MARCHF6: variants seen among roughly 807,000 people sequenced by gnomAD.
The protein encoded by MARCHF6 is membrane associated ring-CH-type finger 6.
Under a neutral mutation model 133.7 loss-of-function variants are expected in MARCHF6, and 31 were observed. The observed-to-expected ratio is 0.23, with a 90% CI of 0.17 to 0.31. MARCHF6 has a LOEUF of 0.31. Ranked by LOEUF, MARCHF6 falls within the 10% of genes least tolerant of loss-of-function variation. MARCHF6 has a pLI of 1.00. For synonymous variants in MARCHF6, 395 were observed against 402.5 expected, an observed-to-expected ratio of 0.98 and a Z score of 0.22; for missense variants, 723 against 1,121.6, an observed-to-expected ratio of 0.64 and a Z score of 5.08.
rs1231653830 is a variant in MARCHF6, at chr5:10,435,209, A to G, written c.*1525A>G. 1 of 152,594 alleles carries G rather than the reference A, an allele frequency of 6.6e-6. No homozygotes were observed. Among genetic ancestry groups the G allele is most frequent in the Non-Finnish European group, 1.5e-5 (1 of 68,040 alleles). The allele number at this position is 152,594 out of a possible 1,614,324, so 9.5% of individuals were successfully genotyped here. A position where few individuals can be genotyped will look rare whatever the true frequency, so the allele number is the denominator to read the frequency against. On this transcript the variant is annotated 3_prime_UTR_variant, in exon 26 of 26. Transcript: ENST00000274140. ...ACATAAGCTACCAAAATAAAGAGCAATGTGTTCTGGCTGTTTTATACTTCA... is the reference window on the plus strand; with the variant it reads ...ACATAAGCTACCAAAATAAAGAGCAGTGTGTTCTGGCTGTTTTATACTTCA...
At chr5:10,416,860 G>A (rs1445967056) in intron 21 of MARCHF6, among the ~76,000 whole-genome samples, 1 of 152,068 alleles carries the variant, frequency 6.6e-6, no homozygotes, top group African/African-American at 2.4e-5. Context: ...AAGTTCTATT[G>A]GACCATGTTG....
At chr5:10,378,547 A>G (rs1349587180) in intron 2 of MARCHF6, among the ~76,000 whole-genome samples, 1 of 152,150 alleles carries the variant, frequency 6.6e-6, no homozygotes, top group Non-Finnish European at 1.5e-5. Flanking sequence ...ACCTTTTTTA[A>G]TGGTAGAAAA....
intron 1 of MARCHF6, among the ~76,000 whole-genome samples, chr5:10,370,906 TATG>T (rs761999289): frequency 4.6e-5 from 7 of 152,172 alleles, no homozygotes; most frequent in Non-Finnish European, 1.0e-4. Context: ...AGTGGGAGAA[TATG>T]ATAAAGTTGG....
intron 4 of MARCHF6, among the ~76,000 whole-genome samples, chr5:10,382,741 C>G (rs746617285): frequency 3.9e-5 from 6 of 152,110 alleles, no homozygotes; most frequent in Non-Finnish European, 5.9e-5. Flanking sequence ...ACAGGAGAAT[C>G]ACTTGAACCT....
chr5:10,358,844 A>G (rs565650429), intron 1 of MARCHF6, among the ~76,000 whole-genome samples: 2 of 152,364 alleles, frequency 1.3e-5, no homozygotes, highest in Admixed American at 6.5e-5. Context: ...CTGTCATGAA[A>G]TGTTAAAATT....
At chr5:10,365,988 A>T (rs775049938) in intron 1 of MARCHF6, among the ~76,000 whole-genome samples, 6 of 152,118 alleles carry the variant, frequency 3.9e-5, no homozygotes, top group Non-Finnish European at 7.3e-5. Flanking sequence ...GCTGGAATGC[A>T]GTCACGCAAT....
intron 5 of MARCHF6, 85 bp from the exon 6 acceptor site, chr5:10,390,247 C>G: frequency 1.0e-6 from 1 of 993,598 alleles, no homozygotes. Context: ...TTTTCTGAGA[C>G]TTTAGTATAA....
In MARCHF6 at chr5:10,390,376, C is replaced by T. The variant is rs200660403; in HGVS notation, c.452C>T (p.Thr151Met). The T allele has an allele frequency of 8.9e-5, 144 of 1,613,152 alleles. No individual in the cohort carries two copies. Among genetic ancestry groups the T allele is most frequent in the Non-Finnish European group, 1.1e-4 (131 of 1,179,860 alleles). The change falls in exon 6 of 26, where the codon ACG becomes ATG. Residue 151 changes from threonine (T) to methionine (M), a missense_variant. Thr to Met is a moderately conservative substitution (Grantham distance 81). Transcript: ENST00000274140. ...TGTTTGCAGGGTTGTTTTGTGGTGA[C>T]GTGCACACTGTGTGCATTCATCAGC... ...ADCLQGCFVV[T>M]CTLCAFISLV...
chr5:10,357,804 A>G (rs1447814412), intron 1 of MARCHF6, among the ~76,000 whole-genome samples: 1 of 152,254 alleles, frequency 6.6e-6, no homozygotes. Flanking sequence ...GCAAGGAACA[A>G]TATAGAGAAA....
At chr5:10,385,657 A>G (rs766295903) in intron 4 of MARCHF6, among the ~76,000 whole-genome samples, 2 of 152,238 alleles carry the variant, frequency 1.3e-5, no homozygotes, top group African/African-American at 2.4e-5. Flanking sequence ...TTAATCAGCC[A>G]GTTATCATTC....
In MARCHF6 at chr5:10,386,988, C is replaced by T. The variant is rs761836495; in HGVS notation, c.335-6C>T. On this transcript the variant is annotated splice_polypyrimidine_tract_variant and splice_region_variant and intron_variant, in intron 4 of 25. Transcript: ENST00000274140. ...GACTGTGTGCCATCATGCTCTTTTT[C>T]GGTAGGCCGCATCTACAAGTGCTTG... 2.4e-5 allele frequency: 38 copies of T among 1,611,828 alleles called. No homozygotes were observed. In the Admixed American group the frequency reaches 3.5e-4, roughly 15 times the overall value.
chr5:10,400,972 G>T, intron 11 of MARCHF6, 130 bp downstream of exon 11: 1 of 664,390 alleles, frequency 1.5e-6, no homozygotes, highest in Non-Finnish European at 2.5e-6. Flanking sequence ...AGGCAATACC[G>T]TCTCATTCTT....
intron 24 of MARCHF6, among the ~76,000 whole-genome samples, chr5:10,427,965 CA>C (rs1181431188): frequency 6.6e-6 from 1 of 152,112 alleles, no homozygotes; most frequent in Non-Finnish European, 1.5e-5. Context: ...AGCTGCCCTG[CA>C]GGCTGATGCA....
chr5:10,430,056 G>C, intron 25 of MARCHF6, 28 bp downstream of exon 25: 1 of 1,589,138 alleles, frequency 6.3e-7, no homozygotes, highest in South Asian at 1.1e-5. Context: ...TTCGTCTCTT[G>C]TTTAAGTGTT....
chr5:10,386,072 CT>C, intron 4 of MARCHF6, among the ~76,000 whole-genome samples: 1 of 151,874 alleles, frequency 6.6e-6, no homozygotes, highest in Admixed American at 6.6e-5. Context: ...GTAAGAAGGC[CT>C]GTTGCACATG....
intron 1 of MARCHF6, among the ~76,000 whole-genome samples, chr5:10,366,250 A>G (rs184692718): frequency 8.1e-4 from 124 of 152,310 alleles, no homozygotes; most frequent in Non-Finnish European, 1.2e-3. Flanking sequence ...AAGGGACTGT[A>G]TACATTCCAT....
At chr5:10,426,238 A>G (rs1452197067) in intron 23 of MARCHF6, 152 bp from the exon 24 acceptor site, 1 of 760,852 alleles carries the variant, frequency 1.3e-6, no homozygotes, top group Non-Finnish European at 2.2e-6. Flanking sequence ...CACTATGCTT[A>G]TGTTGATATA....
chr5:10,354,290 GTCTT>G (rs766231123), intron 1 of MARCHF6, among the ~76,000 whole-genome samples: 2 of 152,200 alleles, frequency 1.3e-5, no homozygotes, highest in Non-Finnish European at 2.9e-5. Flanking sequence ...ACTGGGTTTT[GTCTT>G]TCTTTACGTC....
intron 1 of MARCHF6, among the ~76,000 whole-genome samples, chr5:10,367,681 AGTG>A (rs1390241428): frequency 6.6e-6 from 1 of 152,190 alleles, no homozygotes; most frequent in East Asian, 1.9e-4. Flanking sequence ...TGACTTCCAC[AGTG>A]GTGGTGGTTT....
Sources: gnomAD v4.1 joint callset for allele counts (sites outside exome capture counted in the v4.1 genomes callset) on GRCh38, gnomAD v4.1.1 for gene constraint, MANE v1.5 for transcripts, NCBI Gene and HGNC (gene_info 2026-07-23, HGNC 2026-07-21) for gene names.